Variants in HS6ST3 observed in about 807,000 individuals in gnomAD.
The protein encoded by HS6ST3 is heparan sulfate 6-O-sulfotransferase 3, also known as heparan-sulfate 6-O-sulfotransferase 3.
HS6ST3 carries 12 observed loss-of-function variants against 36.7 expected under a neutral mutation model. The ratio of observed to expected loss-of-function variants is 0.33; its 90% CI spans 0.21 to 0.53. The LOEUF is 0.53. Among genes scored for constraint, HS6ST3 ranks in the 20% least tolerant of loss-of-function variants. The probability of loss-of-function intolerance (pLI) is 0.95; values close to 1 mark genes in which losing one functional copy is unlikely to be tolerated. For missense variants in HS6ST3, 584 were observed against 640.9 expected (o/e 0.91, Z 0.96); for synonymous variants, 240 against 257.5 (o/e 0.93, Z 0.65).
chr13:96,112,578 A>T (rs28604465), intron 1 of HS6ST3, among the ~76,000 whole-genome samples: 7 of 81,234 alleles, frequency 8.6e-5, no homozygotes, highest in Admixed American at 1.6e-4. Flanking sequence ...AAAATAAATA[A>T]ATATATATAT....
chr13:96,695,883 G>T (rs1472218963), intron 1 of HS6ST3, among the ~76,000 whole-genome samples: 3 of 152,060 alleles, frequency 2.0e-5, no homozygotes, highest in African/African-American at 7.2e-5. Context: ...AAAATAAGGG[G>T]TTAAAGAATC....
At chr13:96,225,007 T>C (rs964286057) in intron 1 of HS6ST3, among the ~76,000 whole-genome samples, 5 of 152,222 alleles carry the variant, frequency 3.3e-5, no homozygotes, top group African/African-American at 1.2e-4. Flanking sequence ...GTTGAATGCA[T>C]GGTTTGTGCA....
At chr13:96,809,748 C>T (rs1263300000) in intron 1 of HS6ST3, among the ~76,000 whole-genome samples, 2 of 152,190 alleles carry the variant, frequency 1.3e-5, no homozygotes, top group African/African-American at 4.8e-5. Flanking sequence ...CATAAGGCTG[C>T]TTTGCAGTCA....
chr13:96,729,897 TCTATGTATGTAACACTTTG>T (rs1277785560), intron 1 of HS6ST3, among the ~76,000 whole-genome samples: 4 of 152,372 alleles, frequency 2.6e-5, no homozygotes, highest in African/African-American at 9.6e-5. Context: ...CTCTTCATTT[TCTATGTATGTAACACTTTG>T]CTCTCTTTGG....
chr13:96,575,601 T>G (rs2056317625), intron 1 of HS6ST3, among the ~76,000 whole-genome samples: 2 of 152,234 alleles, frequency 1.3e-5, no homozygotes, highest in East Asian at 3.9e-4. Flanking sequence ...GCTGTGTAAT[T>G]TCACAAGGCA....
intron 1 of HS6ST3, among the ~76,000 whole-genome samples, chr13:96,269,702 T>C (rs1441641263): frequency 6.6e-6 from 1 of 151,982 alleles, no homozygotes; most frequent in Non-Finnish European, 1.5e-5. Context: ...AGTCAGCTTT[T>C]CCCAAAATTA....
At chr13:96,773,004 A>G (rs1877301256) in intron 1 of HS6ST3, among the ~76,000 whole-genome samples, 1 of 152,158 alleles carries the variant, frequency 6.6e-6, no homozygotes, top group African/African-American at 2.4e-5. Flanking sequence ...CAGTGGGTCC[A>G]CAGAGGGTGA....
intron 1 of HS6ST3, among the ~76,000 whole-genome samples, chr13:96,547,755 G>A (rs941865295): frequency 5.3e-5 from 8 of 152,162 alleles, no homozygotes; most frequent in Non-Finnish European, 8.8e-5. Flanking sequence ...ATCTATATAA[G>A]TAATGTGTTT....
intron 1 of HS6ST3, among the ~76,000 whole-genome samples, chr13:96,828,205 G>A (rs1312934752): frequency 6.6e-6 from 1 of 152,166 alleles, no homozygotes; most frequent in Non-Finnish European, 1.5e-5. Flanking sequence ...TGATTTAAAG[G>A]AAAATGAATG....
At chr13:96,408,695 G>A (rs978259173) in intron 1 of HS6ST3, among the ~76,000 whole-genome samples, 12 of 152,036 alleles carry the variant, frequency 7.9e-5, no homozygotes, top group African/African-American at 2.4e-4. Context: ...AGACCGAGGC[G>A]GGTGGATCAC....
chr13:96,551,122 G>T (rs1318364019), intron 1 of HS6ST3, among the ~76,000 whole-genome samples: 1 of 152,124 alleles, frequency 6.6e-6, no homozygotes, highest in Admixed American at 6.6e-5. Flanking sequence ...CTAATTCTTT[G>T]AAGCTTCCTG....
chr13:96,449,284 A>C (rs557012889), intron 1 of HS6ST3, among the ~76,000 whole-genome samples: 1 of 152,172 alleles, frequency 6.6e-6, no homozygotes, highest in African/African-American at 2.4e-5. Context: ...CTTTAGAATG[A>C]CCATGCTTAC....
At chr13:96,591,059 T>C (rs2138975424) in intron 1 of HS6ST3, among the ~76,000 whole-genome samples, 1 of 148,906 alleles carries the variant, frequency 6.7e-6, no homozygotes, top group Non-Finnish European at 1.5e-5. Context: ...ATGTCTGTTT[T>C]TTTTTTTTGC....
chr13:96,462,627 A>G (rs2055790439), intron 1 of HS6ST3, among the ~76,000 whole-genome samples: 1 of 152,188 alleles, frequency 6.6e-6, no homozygotes, highest in Non-Finnish European at 1.5e-5. Context: ...AGCCAATGCA[A>G]TGTGACAAAC....
intron 1 of HS6ST3, among the ~76,000 whole-genome samples, chr13:96,308,349 G>A (rs1291180004): frequency 6.6e-6 from 1 of 152,074 alleles, no homozygotes; most frequent in East Asian, 1.9e-4. Flanking sequence ...ATTATAATTA[G>A]ACAGAGAATA....
intron 1 of HS6ST3, among the ~76,000 whole-genome samples, chr13:96,251,205 T>C (rs2054606252): frequency 6.6e-6 from 1 of 152,198 alleles, no homozygotes; most frequent in Non-Finnish European, 1.5e-5. Context: ...AGTGAAGTCA[T>C]CTGGTCTCGG....
At chr13:96,138,285 A>C (rs546973696) in intron 1 of HS6ST3, among the ~76,000 whole-genome samples, 13 of 152,014 alleles carry the variant, frequency 8.6e-5, no homozygotes, top group Non-Finnish European at 1.8e-4. Flanking sequence ...TACTAGCTAA[A>C]GATTGAAACT....
chr13:96,506,616 T>G lies in HS6ST3; in HGVS notation c.708-325874T>G, dbSNP rs145568467. Reference sequence around the variant, plus strand: ...TTCAGTGCTCAATGCAATCAGTGAATGGAGAGAGAGATCCATGTTATTTCT... The same window carrying G: ...TTCAGTGCTCAATGCAATCAGTGAAGGGAGAGAGAGATCCATGTTATTTCT... On this transcript the variant is annotated intron_variant, in intron 1 of 1. Coordinates refer to ENST00000376705, the MANE Select transcript of HS6ST3 (RefSeq NM_153456.4). Among the ~76,000 whole-genome samples, 10 of 152,276 alleles carry G rather than the reference T, an allele frequency of 6.6e-5. No individual in the cohort carries two copies. In the East Asian group the frequency reaches 1.7e-3, roughly 26 times the overall value.
At chr13:96,473,626 A>G (rs1463382619) in intron 1 of HS6ST3, among the ~76,000 whole-genome samples, 2 of 152,164 alleles carry the variant, frequency 1.3e-5, no homozygotes, top group African/African-American at 2.4e-5. Context: ...CCAATTACTC[A>G]GAATATCTGC....
Sources: gnomAD v4.1 joint callset for allele counts (sites outside exome capture counted in the v4.1 genomes callset) on GRCh38, gnomAD v4.1.1 for gene constraint, MANE v1.5 for transcripts, NCBI Gene and HGNC (gene_info 2026-07-23, HGNC 2026-07-21) for gene names.